TOX2: variants seen among roughly 807,000 people sequenced by gnomAD.
TOX2 encodes the protein TOX high mobility group box family member 2, also known as granulosa cell HMG box 1.
Under a neutral mutation model 47.4 loss-of-function variants are expected in TOX2, and 15 were observed. The observed-to-expected ratio is 0.32, with a 90% CI of 0.21 to 0.49. The LOEUF is 0.49. Among genes scored for constraint, TOX2 ranks in the 20% least tolerant of loss-of-function variants. The pLI, the probability that TOX2 is intolerant of heterozygous loss-of-function variation, is 0.99. For missense variants in TOX2, 622 were observed against 673.1 expected, an observed-to-expected ratio of 0.92 and a Z score of 0.84; for synonymous variants, 290 against 296.6, an observed-to-expected ratio of 0.98 and a Z score of 0.23.
intron 3 of TOX2, chr20:44,039,124 TGCC>T: frequency 7.9e-7 from 1 of 1,263,752 alleles, no homozygotes; most frequent in Non-Finnish European, 1.0e-6. Context: ...CTTGAGCAGA[TGCC>T]GGGAGGCAAC....
At chr20:43,980,760 T>C (rs1324902107) in intron 2 of TOX2, among the ~76,000 whole-genome samples, 3 of 152,118 alleles carry the variant, frequency 2.0e-5, no homozygotes, top group Admixed American at 1.3e-4. Context: ...AAGTTTGGTG[T>C]GGGGAAGGCA....
chr20:44,067,775 A>AG lies in TOX2; in HGVS notation c.1485-872dup, dbSNP rs561677049. Among the ~76,000 whole-genome samples the AG allele has an allele frequency of 4.5e-3, 685 of 152,242 alleles. 5 individuals are homozygous for AG. Among genetic ancestry groups the AG allele is most frequent in the African/African-American group, 0.016 (664 of 41,550 alleles). On this transcript the variant is annotated intron_variant, in intron 8 of 8. Coordinates refer to ENST00000341197, the MANE Select transcript of TOX2 (RefSeq NM_001098797.2). Reference sequence around the variant, plus strand: ...GCAGGAGAGGGAGAGTGCAGTGAGGAGGGACACTTGCTCCTTAACCCGCCA... The same window carrying AG: ...GCAGGAGAGGGAGAGTGCAGTGAGGAGGGGACACTTGCTCCTTAACCCGCCA...
rs2071806885 is a variant in TOX2 at position 44,065,852 on chromosome 20, G to A, written c.1101G>A (p.Gly367=). Residue 367 remains glycine (G), a synonymous_variant, in exon 7 of 9, where the codon GGG becomes GGA. Coordinates refer to ENST00000341197, the MANE Select transcript of TOX2 (RefSeq NM_001098797.2). ...TPSDLQAFRS[G]ASPASLARTL... ...CGGACCTGCAGGCCTTCCGCAGTGG[G>A]GCCTCCCCTGCCAGCCTCGCCCGGA... 6.2e-7 allele frequency: 1 copy of A among 1,613,598 alleles called. No homozygotes were observed. The highest frequency in any genetic ancestry group is 1.3e-5 in the African/African-American group (1 of 74,912).
chr20:44,029,234 A>T (rs2071111698), intron 3 of TOX2, among the ~76,000 whole-genome samples: 3 of 152,228 alleles, frequency 2.0e-5, no homozygotes, highest in South Asian at 4.1e-4. Flanking sequence ...CTTCACAAAG[A>T]TACAGAAAGA....
intron 1 of TOX2, among the ~76,000 whole-genome samples, chr20:43,918,197 G>A (rs2069078776): frequency 6.6e-6 from 1 of 152,174 alleles, no homozygotes; most frequent in Admixed American, 6.5e-5. Flanking sequence ...ACAGCTGGGG[G>A]ATCCCTGCTC....
chr20:44,017,169 G>C (rs2070893711), intron 3 of TOX2, among the ~76,000 whole-genome samples: 1 of 152,194 alleles, frequency 6.6e-6, no homozygotes, highest in African/African-American at 2.4e-5. Context: ...GGAATTACTT[G>C]TCCAGGGTCA....
intron 3 of TOX2, among the ~76,000 whole-genome samples, chr20:44,027,734 A>G (rs1323836468): frequency 6.6e-6 from 1 of 152,196 alleles, no homozygotes; most frequent in African/African-American, 2.4e-5. Flanking sequence ...GGCAGAAGGA[A>G]GTGCACAGGC....
intron 1 of TOX2, among the ~76,000 whole-genome samples, chr20:43,937,679 C>G (rs2069344511): frequency 6.6e-6 from 1 of 152,104 alleles, no homozygotes; most frequent in African/African-American, 2.4e-5. Flanking sequence ...GTCTCCAACC[C>G]TAAGCCAGCC....
intron 8 of TOX2, 33 bp from the exon 9 acceptor site, chr20:44,068,617 A>G (rs2071878149): frequency 6.2e-7 from 1 of 1,601,398 alleles, no homozygotes; most frequent in African/African-American, 1.3e-5. Context: ...AGAGGTACCC[A>G]ACAGCTTTGA....
intron 2 of TOX2, among the ~76,000 whole-genome samples, chr20:43,973,787 G>A (rs893763744): frequency 5.3e-5 from 8 of 152,192 alleles, no homozygotes; most frequent in Admixed American, 2.0e-4. Context: ...CAGCACCCAC[G>A]GGGACATGTT....
chr20:43,935,427 C>T (rs187609600), intron 1 of TOX2, among the ~76,000 whole-genome samples: 239 of 152,278 alleles, frequency 1.6e-3, no homozygotes, highest in African/African-American at 5.5e-3. Context: ...ATGAAAGGTA[C>T]CAGTGGAGTT....
rs929444970 is a variant in TOX2, at chr20:43,916,141, G to A, written c.99+1151G>A. 5 of 985,404 alleles carry A rather than the reference G, an allele frequency of 5.1e-6. No individual in the cohort carries two copies. The highest frequency in any genetic ancestry group is 6.0e-6 in the Non-Finnish European group (5 of 829,986). 61.0% of individuals were successfully genotyped at this position (985,404 alleles called of 1,614,324 possible). On this transcript the variant is annotated intron_variant, in intron 1 of 8. Transcript: ENST00000341197. This position sits in a 1 kb window ranked among gnomAD's most constrained non-coding sequence, Gnocchi z 5.0. Reference sequence around the variant, plus strand: ...CGCGGGTTTTCGTCACTCGGAGCCCGGATTGAACAGCGCGCGTGGGTTTCC... The same window carrying A: ...CGCGGGTTTTCGTCACTCGGAGCCCAGATTGAACAGCGCGCGTGGGTTTCC...
At chr20:43,945,565 A>C in intron 1 of TOX2, 1 of 262,646 alleles carries the variant, frequency 3.8e-6, no homozygotes, top group Non-Finnish European at 7.6e-6. Flanking sequence ...TTGCCTTCCG[A>C]AGGCTCTTCC....
intron 1 of TOX2, among the ~76,000 whole-genome samples, chr20:43,965,850 A>G (rs1413811645): frequency 6.6e-6 from 1 of 152,206 alleles, no homozygotes; most frequent in African/African-American, 2.4e-5. Flanking sequence ...ACTAAAGGAA[A>G]GGAAGTCAAG....
At chr20:43,928,280 G>A (rs1284351643) in intron 1 of TOX2, among the ~76,000 whole-genome samples, 1 of 152,200 alleles carries the variant, frequency 6.6e-6, no homozygotes, top group African/African-American at 2.4e-5. Context: ...AATTAAATGA[G>A]GTAATGATGT....
chr20:44,027,804 G>A (rs2071088957), intron 3 of TOX2, among the ~76,000 whole-genome samples: 1 of 152,202 alleles, frequency 6.6e-6, no homozygotes, highest in Non-Finnish European at 1.5e-5. Context: ...AGGACAAGCA[G>A]AGGCTTGGAG....
At chr20:44,013,899 A>G (rs1163717607) in intron 3 of TOX2, among the ~76,000 whole-genome samples, 1 of 152,034 alleles carries the variant, frequency 6.6e-6, no homozygotes, top group Non-Finnish European at 1.5e-5. Context: ...GGAGGCCAAG[A>G]TGGGCAGATC....
intron 1 of TOX2, among the ~76,000 whole-genome samples, chr20:43,957,596 C>G (rs889885987): frequency 2.9e-5 from 3 of 103,122 alleles, no homozygotes; most frequent in Admixed American, 2.1e-4. Flanking sequence ...TTGGCTTAAA[C>G]AAATATTTAT....
At chr20:44,061,158 G>A (rs757912823) in intron 5 of TOX2, among the ~76,000 whole-genome samples, 5 of 151,930 alleles carry the variant, frequency 3.3e-5, no homozygotes, top group Admixed American at 6.6e-5. Context: ...AGAGGAGATG[G>A]ATAAATTCCT....
Sources: gnomAD v4.1 joint callset for allele counts (sites outside exome capture counted in the v4.1 genomes callset) on GRCh38, gnomAD v4.1.1 for gene constraint, Gnocchi (gnomAD v3.1) non-coding constraint, MANE v1.5 for transcripts, NCBI Gene and HGNC (gene_info 2026-07-23, HGNC 2026-07-21) for gene names.